MTMR7: variants seen among roughly 807,000 people sequenced by gnomAD.
MTMR7 encodes phosphatidylinositol-3-phosphate phosphatase MTMR7.
In MTMR7, 76 loss-of-function variants were observed where a neutral mutation model predicts 81.2. That is an observed-to-expected ratio of 0.94 (90% CI 0.78 to 1.13). MTMR7 has a LOEUF of 1.13. Ranked by LOEUF, MTMR7 falls within the 50% of genes most tolerant of loss-of-function variation. The pLI is 0.00. For synonymous variants in MTMR7, 372 were observed against 289.8 expected (o/e 1.28, Z -2.88); for missense variants, 1,044 against 820.0 (o/e 1.27, Z -3.34).
At chr8:17,387,335 C>T (rs1420604303) in intron 1 of MTMR7, among the ~76,000 whole-genome samples, 4 of 152,238 alleles carry the variant, frequency 2.6e-5, no homozygotes, top group East Asian at 3.9e-4. Flanking sequence ...ACGTGAAGTA[C>T]GGAGGTACAG....
chr8:17,308,420 G>C (rs1310680473), intron 10 of MTMR7, among the ~76,000 whole-genome samples: 1 of 152,012 alleles, frequency 6.6e-6, no homozygotes, highest in Non-Finnish European at 1.5e-5. Flanking sequence ...GAAAAAATTA[G>C]AAAAATAGAA....
chr8:17,304,699 T>C (rs1817336301), intron 11 of MTMR7, among the ~76,000 whole-genome samples, 180 bp from the exon 12 acceptor site: 1 of 150,636 alleles, frequency 6.6e-6, no homozygotes. Context: ...ACTGTAATAA[T>C]CTCAACTTCA....
intron 1 of MTMR7, among the ~76,000 whole-genome samples, chr8:17,384,477 C>G (rs982950211): frequency 1.2e-4 from 19 of 152,162 alleles, no homozygotes; most frequent in African/African-American, 4.3e-4. Context: ...AGTTTTACTT[C>G]TTGCTCCCAC....
At chr8:17,391,164 G>A (rs889922656) in intron 1 of MTMR7, among the ~76,000 whole-genome samples, 35 of 152,224 alleles carry the variant, frequency 2.3e-4, no homozygotes, top group African/African-American at 8.2e-4. Context: ...CATCTGTGAG[G>A]GGAAACAAGT....
Position 17,302,494 on chromosome 8 carries a change from A to G in MTMR7, c.1494-214T>C. The G allele has an allele frequency of 6.2e-6, 3 of 482,094 alleles. 1 individual carries two copies. The South Asian group carries it at 1.3e-4, about 20-fold the overall frequency. 29.9% of individuals were successfully genotyped at this position (482,094 alleles called of 1,614,324 possible). On this transcript the variant is annotated intron_variant, in intron 12 of 13. Coordinates refer to ENST00000180173, the MANE Select transcript of MTMR7 (RefSeq NM_004686.5). ...CTTTTGGGGAGAATAAGTTTATGAA[A>G]AGTCTGCCTGTATATATGAATTAGC... is the stretch of plus-strand genomic sequence containing the variant.
intron 3 of MTMR7, among the ~76,000 whole-genome samples, chr8:17,365,908 T>C (rs968026529): frequency 1.3e-5 from 2 of 152,182 alleles, no homozygotes; most frequent in African/African-American, 4.8e-5. Flanking sequence ...ACCAAATCAG[T>C]GTTTCAGTTG....
intron 7 of MTMR7, among the ~76,000 whole-genome samples, chr8:17,324,724 G>A (rs1026353727): frequency 1.1e-4 from 16 of 152,176 alleles, no homozygotes; most frequent in African/African-American, 3.6e-4. Context: ...CATGTAGAGC[G>A]ACCTATTTCC....
chr8:17,318,875 C>T (rs1281662766), intron 7 of MTMR7, among the ~76,000 whole-genome samples: 7 of 152,002 alleles, frequency 4.6e-5, no homozygotes, highest in Admixed American at 3.9e-4. Flanking sequence ...AGTGACTTGT[C>T]CTCTGCTCTT....
At chr8:17,333,420 G>A (rs1163159101) in intron 6 of MTMR7, among the ~76,000 whole-genome samples, 1 of 152,080 alleles carries the variant, frequency 6.6e-6, no homozygotes, top group South Asian at 2.1e-4. Context: ...TTTATAACAA[G>A]CATCATAAAT....
rs368887856 is a variant in MTMR7, at chr8:17,371,077, G to T, written c.270C>A (p.Cys90Ter). The T allele has an allele frequency of 1.9e-6, 3 of 1,613,938 alleles. No homozygotes were observed. Among genetic ancestry groups the T allele is most frequent in the Non-Finnish European group, 2.5e-6 (3 of 1,179,970 alleles). Residue 90 changes from cysteine (C) to a stop codon, truncating the protein, a stop_gained, in exon 3 of 14, where the codon TGC becomes TGA. Transcript: ENST00000180173. LOFTEE classifies it high-confidence loss of function. ...GTATCAGGGAGATGTACACGTCGTG[G>T]CAATCTCTTTCCTGAGGTATGATGA... ...IQLIIPQERD[C>*]HDVYISLIRL... is the part of the protein sequence containing the mutation.
intron 1 of MTMR7, among the ~76,000 whole-genome samples, chr8:17,402,488 C>T (rs1239868959): frequency 1.3e-5 from 2 of 152,116 alleles, no homozygotes; most frequent in Non-Finnish European, 2.9e-5. Flanking sequence ...TTTTAGCTCC[C>T]ACAAATAAGC....
At chr8:17,382,704 T>C (rs1166790902) in intron 1 of MTMR7, among the ~76,000 whole-genome samples, 2 of 152,262 alleles carry the variant, frequency 1.3e-5, no homozygotes, top group East Asian at 3.9e-4. Flanking sequence ...GGAGACCTTG[T>C]GCAGAAACAA....
chr8:17,310,447 G>C (rs2106016), intron 9 of MTMR7, among the ~76,000 whole-genome samples: 27,462 of 152,166 alleles, frequency 0.18, 2,566 homozygotes, highest in Non-Finnish European at 0.21. Flanking sequence ...TCTTTGGGTT[G>C]TAAGTTTAAT....
intron 4 of MTMR7, among the ~76,000 whole-genome samples, chr8:17,358,157 C>T (rs1386985703): frequency 6.6e-6 from 1 of 151,942 alleles, no homozygotes; most frequent in Non-Finnish European, 1.5e-5. Flanking sequence ...GTAAAAAAAT[C>T]TAACCAAACT....
Position 17,307,917 on chromosome 8 carries a change from T to G in MTMR7, c.1151+1360A>C, listed in dbSNP as rs534713368. ...TGGCGGGAGGGGGGAGGGATAGCAT[T>G]AGGAGATATACCTAATGCTAAATGA... On this transcript the variant is annotated intron_variant, in intron 10 of 13. Coordinates refer to ENST00000180173, the MANE Select transcript of MTMR7 (RefSeq NM_004686.5). 7.8e-4 allele frequency among the ~76,000 whole-genome samples: 118 copies of G among 151,772 alleles called. 1 individual carries two copies. Among genetic ancestry groups the G allele is most frequent in the Middle Eastern group, 3.4e-3 (1 of 294 alleles).
At chr8:17,341,874 T>C (rs1404246424) in intron 5 of MTMR7, among the ~76,000 whole-genome samples, 2 of 152,114 alleles carry the variant, frequency 1.3e-5, no homozygotes, top group Admixed American at 1.3e-4. Context: ...ATACGATTAA[T>C]GGTGACATTA....
intron 1 of MTMR7, 41 bp from the exon 2 acceptor site, chr8:17,373,281 G>T (rs768271765): frequency 7.0e-6 from 11 of 1,574,148 alleles, no homozygotes; most frequent in African/African-American, 1.4e-5. Context: ...CCGTAAAGCA[G>T]AAGAGCAATT....
At chr8:17,317,784 C>T (rs1017918897) in intron 7 of MTMR7, among the ~76,000 whole-genome samples, 10 of 152,172 alleles carry the variant, frequency 6.6e-5, no homozygotes, top group South Asian at 2.1e-4. Flanking sequence ...CTCATACTTC[C>T]GCCATAAATT....
chr8:17,312,437 T>C (rs1318142224), intron 8 of MTMR7, among the ~76,000 whole-genome samples: 1 of 151,942 alleles, frequency 6.6e-6, no homozygotes, highest in African/African-American at 2.4e-5. Context: ...TAGCCAGGCA[T>C]AGTGGCGCGT....
Sources: gnomAD v4.1 joint callset for allele counts (sites outside exome capture counted in the v4.1 genomes callset) on GRCh38, gnomAD v4.1.1 for gene constraint, MANE v1.5 for transcripts, NCBI Gene and HGNC (gene_info 2026-07-23, HGNC 2026-07-21) for gene names.